Variants in CAMKMT observed in about 807,000 individuals in gnomAD.
CAMKMT encodes calmodulin-lysine N-methyltransferase, also known as CaM KMT.
In CAMKMT, 53 loss-of-function variants were observed where a neutral mutation model predicts 48.0. The observed-to-expected ratio is 1.10, with a 90% CI of 0.89 to 1.39. CAMKMT has a LOEUF of 1.39. CAMKMT is among the 40% of genes most tolerant of loss of function. The probability of loss-of-function intolerance (pLI) is 0.00; values close to 1 mark genes in which losing one functional copy is unlikely to be tolerated. For missense variants in CAMKMT, 428 were observed against 402.7 expected (o/e 1.06, Z -0.54); for synonymous variants, 165 against 152.3 (o/e 1.08, Z -0.61).
intron 7 of CAMKMT, among the ~76,000 whole-genome samples, chr2:44,724,750 G>T (rs545099621): frequency 6.6e-6 from 1 of 152,128 alleles, no homozygotes; most frequent in African/African-American, 2.4e-5. Flanking sequence ...AAGTTGTATA[G>T]ATAAGAAAGT....
intron 3 of CAMKMT, among the ~76,000 whole-genome samples, chr2:44,467,456 T>C (rs1229455538): frequency 6.6e-6 from 1 of 151,526 alleles, no homozygotes; most frequent in Non-Finnish European, 1.5e-5. Flanking sequence ...CCCTTGAACA[T>C]GGGAGGCAGA....
intron 3 of CAMKMT, among the ~76,000 whole-genome samples, chr2:44,674,045 A>C (rs1468225300): frequency 6.6e-6 from 1 of 152,200 alleles, no homozygotes; most frequent in Non-Finnish European, 1.5e-5. Context: ...ACCTAAAGAA[A>C]AAAAGAAGTT....
At chr2:44,757,363 A>G (rs1255996945) in intron 9 of CAMKMT, among the ~76,000 whole-genome samples, 1 of 152,208 alleles carries the variant, frequency 6.6e-6, no homozygotes, top group Non-Finnish European at 1.5e-5. Context: ...CCTCGCAGAG[A>G]GAAGGTATAC....
intron 3 of CAMKMT, among the ~76,000 whole-genome samples, chr2:44,607,250 T>G (rs1257411054): frequency 6.6e-6 from 1 of 152,222 alleles, no homozygotes; most frequent in Non-Finnish European, 1.5e-5. Context: ...TTCTAACTCT[T>G]AAGAACATTT....
At chr2:44,672,296 A>T (rs192669718) in intron 3 of CAMKMT, among the ~76,000 whole-genome samples, 1 of 152,310 alleles carries the variant, frequency 6.6e-6, no homozygotes, top group Non-Finnish European at 1.5e-5. Flanking sequence ...CCACTCTCAG[A>T]ACAACCTGCC....
chr2:44,686,914 A>T (rs1233920425), intron 3 of CAMKMT, among the ~76,000 whole-genome samples: 1 of 152,236 alleles, frequency 6.6e-6, no homozygotes, highest in Non-Finnish European at 1.5e-5. Context: ...TTACTAGCCA[A>T]AACATACTGT....
At chr2:44,525,201 T>A (rs1391573376) in intron 3 of CAMKMT, among the ~76,000 whole-genome samples, 2 of 152,226 alleles carry the variant, frequency 1.3e-5, no homozygotes, top group Non-Finnish European at 2.9e-5. Flanking sequence ...CATGTTTAGC[T>A]TGTTGATGAC....
intron 3 of CAMKMT, among the ~76,000 whole-genome samples, chr2:44,654,098 C>T (rs2104050381): frequency 6.6e-6 from 1 of 152,222 alleles, no homozygotes; most frequent in African/African-American, 2.4e-5. Flanking sequence ...AAAGCTAGTG[C>T]CCTGTCACTT....
intron 3 of CAMKMT, chr2:44,456,699 C>A: frequency 1.7e-6 from 2 of 1,208,398 alleles, no homozygotes; most frequent in Non-Finnish European, 2.3e-6. Flanking sequence ...CCTACCTCTG[C>A]TTGTCTTCAT....
intron 3 of CAMKMT, among the ~76,000 whole-genome samples, chr2:44,403,347 G>A (rs1477308996): frequency 2.0e-5 from 3 of 152,102 alleles, no homozygotes; most frequent in African/African-American, 4.8e-5. Flanking sequence ...TGAGCTGCAC[G>A]AATGCCTTCC....
chr2:44,673,127 G>A (rs1234792163), intron 3 of CAMKMT, among the ~76,000 whole-genome samples: 1 of 151,934 alleles, frequency 6.6e-6, no homozygotes, highest in Non-Finnish European at 1.5e-5. Context: ...GGGGCAATGA[G>A]TGGTTTTAAA....
chr2:44,683,753 G>A (rs1676159435), intron 3 of CAMKMT, among the ~76,000 whole-genome samples: 1 of 139,324 alleles, frequency 7.2e-6, no homozygotes, highest in Non-Finnish European at 1.5e-5. Context: ...AACCCAGGAG[G>A]CAGAGCTTGC....
At chr2:44,553,580 C>T (rs1667841593) in intron 3 of CAMKMT, among the ~76,000 whole-genome samples, 5 of 152,172 alleles carry the variant, frequency 3.3e-5, no homozygotes, top group Non-Finnish European at 7.4e-5. Flanking sequence ...AGGCTGATCT[C>T]GAATTCCTGG....
At chr2:44,633,670 A>G (rs1672966881) in intron 3 of CAMKMT, among the ~76,000 whole-genome samples, 1 of 151,952 alleles carries the variant, frequency 6.6e-6, no homozygotes, top group Non-Finnish European at 1.5e-5. Flanking sequence ...ATCTTTGAAT[A>G]TGTTTGTATT....
intron 7 of CAMKMT, among the ~76,000 whole-genome samples, chr2:44,736,527 T>C (rs1679363751): frequency 6.6e-6 from 1 of 152,192 alleles, no homozygotes; most frequent in Non-Finnish European, 1.5e-5. Flanking sequence ...TTGGGCTTGT[T>C]GAAATTTCTT....
chr2:44,522,596 T>C (rs1345023179), intron 3 of CAMKMT, among the ~76,000 whole-genome samples: 1 of 152,216 alleles, frequency 6.6e-6, no homozygotes, highest in South Asian at 2.1e-4. Context: ...CCTTAAATCA[T>C]TCTGGGGTCA....
In CAMKMT at chr2:44,480,683, G is replaced by A. The variant is rs1668921693; in HGVS notation, c.376+90378G>A. On this transcript the variant is annotated intron_variant, in intron 3 of 10. Coordinates refer to ENST00000378494, the MANE Select transcript of CAMKMT (RefSeq NM_024766.5). ...ATTTGAGATAACAAAGTAAACTAAT[G>A]GCAATGTATGAGTATCTTAACGTAT... Among the ~76,000 whole-genome samples, 2 of 152,084 alleles carry A rather than the reference G, an allele frequency of 1.3e-5. 1 individual carries two copies. Among genetic ancestry groups the A allele is most frequent in the African/African-American group, 4.8e-5 (2 of 41,426 alleles).
At chr2:44,395,318 A>G (rs1240625289) in intron 3 of CAMKMT, among the ~76,000 whole-genome samples, 1 of 152,178 alleles carries the variant, frequency 6.6e-6, no homozygotes, top group African/African-American at 2.4e-5. Context: ...ATGTGTGTAT[A>G]CATATGCATA....
intron 3 of CAMKMT, among the ~76,000 whole-genome samples, chr2:44,613,255 C>A (rs778936482): frequency 1.3e-5 from 2 of 152,166 alleles, no homozygotes; most frequent in African/African-American, 4.8e-5. Flanking sequence ...AACAAGGATA[C>A]CAGTTGTTAA....
Sources: gnomAD v4.1 joint callset for allele counts (sites outside exome capture counted in the v4.1 genomes callset) on GRCh38, gnomAD v4.1.1 for gene constraint, MANE v1.5 for transcripts, NCBI Gene and HGNC (gene_info 2026-07-23, HGNC 2026-07-21) for gene names.